Variants in RBL2 observed in about 807,000 individuals in gnomAD.
The protein encoded by RBL2 is RB transcriptional corepressor like 2, also known as retinoblastoma-like protein 2.
A neutral mutation model predicts 126.0 loss-of-function variants in RBL2; 56 were observed. The observed-to-expected ratio is 0.44, with a 90% CI of 0.36 to 0.56. RBL2 has a LOEUF of 0.56. RBL2 is among the 20% of genes least tolerant of loss of function. RBL2 has a pLI of 0.00. For missense variants in RBL2, 1,229 were observed against 1,398.2 expected, an observed-to-expected ratio of 0.88 and a Z score of 1.93; for synonymous variants, 454 against 478.5, an observed-to-expected ratio of 0.95 and a Z score of 0.67.
chr16:53,438,864 AAAAAAAAAG>A, intron 1 of RBL2, 143 bp from the exon 2 acceptor site: 2 of 330,550 alleles, frequency 6.1e-6, no homozygotes, highest in African/African-American at 4.4e-5. Flanking sequence ...AAAAAAAAAA[AAAAAAAAAG>A]AGCGTATGAG....
intron 2 of RBL2, 51 bp downstream of exon 2, chr16:53,439,197 A>C: frequency 7.0e-7 from 1 of 1,420,240 alleles, no homozygotes; most frequent in Admixed American, 2.4e-5. Context: ...TAAGCTCATA[A>C]ATCATAGTGA....
rs778151469 is a variant in RBL2, at chr16:53,470,909, A to C, written c.2690A>C (p.Tyr897Ser). The change falls in exon 17 of 22, where the codon TAT becomes TCT. Residue 897 changes from tyrosine to serine, a missense_variant. Tyr to Ser is a moderately radical substitution (Grantham distance 144). Transcript: ENST00000262133. ...GACCAGTTATTAATGTGTGCCATTT[A>C]TGTGATGGCAAAGGTGAGTACCATT... The part of the protein sequence containing the change: ...HLDQLLMCAI[Y>S]VMAKVTKEDK... 4 of 1,612,382 alleles carry C rather than the reference A, an allele frequency of 2.5e-6. No homozygotes were observed. The South Asian group carries it at 4.4e-5, about 18-fold the overall frequency.
At chr16:53,480,057 G>A in intron 19 of RBL2, 66 bp downstream of exon 19, 1 of 1,032,584 alleles carries the variant, frequency 9.7e-7, no homozygotes, top group Non-Finnish European at 1.4e-6. Flanking sequence ...AGGCCTTGAA[G>A]AAGTAACTAA....
chr16:53,451,537 G>T (rs901548786), intron 4 of RBL2, among the ~76,000 whole-genome samples, 166 bp from the exon 5 acceptor site: 3 of 152,020 alleles, frequency 2.0e-5, no homozygotes, highest in African/African-American at 7.2e-5. Context: ...AATTTATTAA[G>T]ATATAAGAGT....
chr16:53,448,929 G>A (rs1376772906), intron 4 of RBL2: 1 of 152,208 alleles, frequency 6.6e-6, no homozygotes, highest in East Asian at 1.9e-4. Flanking sequence ...TACATTGTTG[G>A]TCTCCAGGTT....
chr16:53,460,338 A>G (rs992357064), intron 9 of RBL2, among the ~76,000 whole-genome samples: 8 of 152,224 alleles, frequency 5.3e-5, no homozygotes, highest in Admixed American at 2.0e-4. Context: ...AAGACCCTAT[A>G]TGTACACATA....
At chr16:53,484,095 T>G (rs1432032530) in intron 21 of RBL2, among the ~76,000 whole-genome samples, 1 of 152,226 alleles carries the variant, frequency 6.6e-6, no homozygotes, top group Non-Finnish European at 1.5e-5. Context: ...TCCAGTGATA[T>G]TCCTAGTAGG....
chr16:53,479,126 C>T, intron 17 of RBL2, 28 bp from the exon 18 acceptor site: 1 of 1,578,344 alleles, frequency 6.3e-7, no homozygotes, highest in Non-Finnish European at 8.7e-7. Flanking sequence ...GTTGCCATGT[C>T]TCTCAGAGCA....
rs543630477 is a variant in RBL2, at chr16:53,454,860, A to G, written c.1179+18A>G. On this transcript the variant is annotated intron_variant, in intron 8 of 21. Coordinates refer to ENST00000262133, the MANE Select transcript of RBL2 (RefSeq NM_005611.4). ...TTGACAAGGTGAGTTTAGCCATGCC[A>G]GAAGAGTAGAAATACAGGAGCAGGT... 8 of 1,578,034 alleles carry G rather than the reference A, an allele frequency of 5.1e-6. No individual in the cohort carries two copies. In the African/African-American group the frequency reaches 1.1e-4, roughly 21 times the overall value.
intron 21 of RBL2, chr16:53,489,776 A>G (rs905649916): frequency 4.8e-5 from 8 of 167,074 alleles, no homozygotes; most frequent in African/African-American, 1.4e-4. Flanking sequence ...TAAAAAAGAG[A>G]AAAAGATGTG....
At chr16:53,438,843 CAAAAAAAAAAAAAAAAA>C (rs11302382) in intron 1 of RBL2, among the ~76,000 whole-genome samples, 156 bp from the exon 2 acceptor site, 855 of 30,630 alleles carry the variant, frequency 0.028, 26 homozygotes, top group African/African-American at 0.074. Flanking sequence ...GATTCCATCT[CAAAAAAAAAAAAAAAAA>C]AAAAAAAAAA....
chr16:53,451,314 TG>T (rs2058112429), intron 4 of RBL2, among the ~76,000 whole-genome samples: 1 of 152,166 alleles, frequency 6.6e-6, no homozygotes, highest in Non-Finnish European at 1.5e-5. Context: ...AAGACCAGCC[TG>T]GGCAACATAG....
intron 17 of RBL2, among the ~76,000 whole-genome samples, chr16:53,476,275 A>G (rs2150820459): frequency 6.6e-6 from 1 of 152,296 alleles, no homozygotes; most frequent in East Asian, 1.9e-4. Context: ...TTATGTAGCA[A>G]TATGTTGTTA....
At chr16:53,479,682 G>T in intron 18 of RBL2, 1 of 521,264 alleles carries the variant, frequency 1.9e-6, no homozygotes, top group Non-Finnish European at 3.4e-6. Context: ...AGTACTGCAG[G>T]TAGTACTTGG....
intron 14 of RBL2, among the ~76,000 whole-genome samples, chr16:53,467,677 C>T (rs1219836277): frequency 3.3e-5 from 5 of 152,244 alleles, no homozygotes; most frequent in East Asian, 1.9e-4. Flanking sequence ...CATGAGGCAC[C>T]GTGCCCGGCT....
intron 17 of RBL2, among the ~76,000 whole-genome samples, chr16:53,474,439 C>T (rs1274912248): frequency 6.6e-6 from 1 of 152,210 alleles, no homozygotes; most frequent in Non-Finnish European, 1.5e-5. Context: ...GCCTCAGCCT[C>T]CCAAGTAGCT....
chr16:53,473,305 CT>C (rs1960593518), intron 17 of RBL2, among the ~76,000 whole-genome samples: 1 of 151,882 alleles, frequency 6.6e-6, no homozygotes, highest in Non-Finnish European at 1.5e-5. Context: ...AATTTTATAT[CT>C]TCTGATCCAT....
intron 8 of RBL2, among the ~76,000 whole-genome samples, chr16:53,456,170 T>C (rs1388473973): frequency 7.4e-6 from 1 of 135,914 alleles, no homozygotes; most frequent in Non-Finnish European, 1.5e-5. Context: ...AGCAAGAGCC[T>C]GTCTTTAAAA....
chr16:53,453,585 C>G lies in RBL2; in HGVS notation c.900C>G (p.Pro300=). Residue 300 remains proline, a synonymous_variant, in exon 6 of 22, where the codon CCC becomes CCG. Coordinates refer to ENST00000262133, the MANE Select transcript of RBL2 (RefSeq NM_005611.4). ...AKGIKEHFWK[P]YIRKLYEKKL... Reference sequence around the variant, plus strand: ...GGATAAAGGAACATTTCTGGAAACCCTATATTAGGAAACTTTATGAAAAAA... The same window carrying G: ...GGATAAAGGAACATTTCTGGAAACCGTATATTAGGAAACTTTATGAAAAAA... 3 of 1,610,674 alleles carry G rather than the reference C, an allele frequency of 1.9e-6. No individual in the cohort carries two copies. The highest frequency in any genetic ancestry group is 1.7e-4 in the Middle Eastern group (1 of 6,054).
Sources: allele counts gnomAD v4.1 joint callset (sites outside exome capture counted in the v4.1 genomes callset), GRCh38; gene constraint gnomAD v4.1.1; transcripts MANE v1.5; gene names NCBI Gene and HGNC (gene_info 2026-07-23, HGNC 2026-07-21).